The following STMND1 variants were observed in gnomAD, a reference collection of about 807,000 sequenced individuals.
The protein encoded by STMND1 is stathmin domain containing 1.
In STMND1, 17 loss-of-function variants were observed where a neutral mutation model predicts 23.0. That is an observed-to-expected ratio of 0.74 (90% confidence interval 0.51 to 1.11). The LOEUF (loss-of-function observed/expected upper bound fraction) is 1.11, where lower values mean the gene tolerates loss of function less well. Ranked by LOEUF, STMND1 falls within the 50% of genes least tolerant of loss-of-function variation. The probability of loss-of-function intolerance (pLI) is 0.00; values close to 1 mark genes in which losing one functional copy is unlikely to be tolerated. For synonymous variants in STMND1, 114 were observed against 119.9 expected, an observed-to-expected ratio of 0.95 and a Z score of 0.32; for missense variants, 305 against 329.1, an observed-to-expected ratio of 0.93 and a Z score of 0.57.
intron 4 of STMND1, 56 bp downstream of exon 4, chr6:17,129,299 C>CTTTCCTA: frequency 6.6e-7 from 1 of 1,512,570 alleles, no homozygotes; most frequent in Non-Finnish European, 8.8e-7. Flanking sequence ...TTAAAATGAT[C>CTTTCCTA]TCACCCCAGA....
At chr6:17,114,828 G>C (rs1049013341) in intron 1 of STMND1, 134 bp from the exon 2 acceptor site, 6 of 961,220 alleles carry the variant, frequency 6.2e-6, no homozygotes, top group Middle Eastern at 3.4e-4. Context: ...TGGGGACCCC[G>C]ATCTATGGCT....
intron 2 of STMND1, among the ~76,000 whole-genome samples, chr6:17,117,455 A>G (rs1189826367): frequency 6.6e-6 from 1 of 152,108 alleles, no homozygotes; most frequent in African/African-American, 2.4e-5. Context: ...CTCTTTATAA[A>G]TGAATTTCTG....
chr6:17,113,034 ATCT>A (rs907384757), intron 1 of STMND1, among the ~76,000 whole-genome samples: 5 of 152,212 alleles, frequency 3.3e-5, no homozygotes, highest in African/African-American at 1.2e-4. Context: ...AATATTGAAC[ATCT>A]TCTTGTGTGC....
rs1328692256 is a variant in STMND1 at position 17,129,181 on chromosome 6, G to A, written c.481G>A (p.Val161Met). ...GAAAAAACTCAAGATCAAAAAGCAA[G>A]TGAAGGATTTCACAATGAAGGACAT... is the stretch of plus-strand genomic sequence containing the variant. The part of the protein sequence containing the change: ...RLKKLKIKKQ[V>M]KDFTMKDIEE... The change falls in exon 4 of 5, where the codon GTG (valine) becomes ATG (methionine). Residue 161 changes from valine (V) to methionine (M), a missense_variant. By Grantham distance (21) the Val-to-Met change is conservative (BLOSUM62 1). Coordinates refer to ENST00000536551, the MANE Select transcript of STMND1 (RefSeq NM_001190766.2). 22 of 1,535,820 alleles carry A rather than the reference G, an allele frequency of 1.4e-5. No individual in the cohort carries two copies. In the South Asian group the frequency reaches 2.0e-4, roughly 14 times the overall value.
intron 4 of STMND1, 60 bp downstream of exon 4, chr6:17,129,303 C>CAGTTTTAAGACAGAGCTT: frequency 6.7e-7 from 1 of 1,485,812 alleles, no homozygotes; most frequent in Non-Finnish European, 8.9e-7. Context: ...AATGATCTCA[C>CAGTTTTAAGACAGAGCTT]CCCAGAGCTT....
chr6:17,104,780 G>C (rs1402830750), intron 1 of STMND1, among the ~76,000 whole-genome samples: 1 of 152,306 alleles, frequency 6.6e-6, no homozygotes, highest in Middle Eastern at 3.4e-3. Context: ...CCATGGTCAA[G>C]AGTATGACAA....
At chr6:17,113,441 G>C (rs924239644) in intron 1 of STMND1, among the ~76,000 whole-genome samples, 10 of 152,122 alleles carry the variant, frequency 6.6e-5, no homozygotes, top group African/African-American at 2.4e-4. Context: ...AGATTATCAA[G>C]GGTAATCTCC....
chr6:17,124,481 G>A (rs1309533752), intron 3 of STMND1, among the ~76,000 whole-genome samples: 1 of 149,430 alleles, frequency 6.7e-6, no homozygotes, highest in Non-Finnish European at 1.5e-5. Flanking sequence ...TCACCTTCAT[G>A]AAGGTCCCTC....
intron 3 of STMND1, among the ~76,000 whole-genome samples, chr6:17,127,565 CAA>C (rs1412323735): frequency 6.6e-6 from 1 of 151,916 alleles, no homozygotes; most frequent in Non-Finnish European, 1.5e-5. Flanking sequence ...AAAACAAAAA[CAA>C]AAAAACCCGT....
At chr6:17,118,461 C>T (rs1438524449) in intron 2 of STMND1, among the ~76,000 whole-genome samples, 1 of 151,942 alleles carries the variant, frequency 6.6e-6, no homozygotes, top group Non-Finnish European at 1.5e-5. Flanking sequence ...CAAAAAGAAG[C>T]ACAACATGGT....
In STMND1 at chr6:17,130,886, T is replaced by C. The variant is rs1384047430; in HGVS notation, c.*5T>C. The C allele has an allele frequency of 2.0e-6, 3 of 1,497,654 alleles. No homozygotes were observed. The South Asian group carries it at 3.8e-5, about 19-fold the overall frequency. The allele number at this position is 1,497,654 out of a possible 1,614,324, so 92.8% of individuals were successfully genotyped here. A position where few individuals can be genotyped will look rare whatever the true frequency, so the allele number is the denominator to read the frequency against. On this transcript the variant is annotated 3_prime_UTR_variant, in exon 5 of 5. Transcript: ENST00000536551. ...GCAGATGACATAGTCTACTAAGCCA[T>C]TTTTTGTGAATTTCATAAGAAAGCA...
chr6:17,122,257 G>A (rs1761244594), intron 3 of STMND1, among the ~76,000 whole-genome samples: 2 of 151,648 alleles, frequency 1.3e-5, no homozygotes, highest in Non-Finnish European at 2.9e-5. Context: ...TGTTTGTTTG[G>A]GTTTTTTTTT....
At chr6:17,107,844 A>G (rs1761047185) in intron 1 of STMND1, among the ~76,000 whole-genome samples, 1 of 152,246 alleles carries the variant, frequency 6.6e-6, no homozygotes, top group South Asian at 2.1e-4. Context: ...GTGAAAATAT[A>G]AATTCTTCAT....
At chr6:17,106,322 C>T (rs1471807047) in intron 1 of STMND1, among the ~76,000 whole-genome samples, 2 of 152,180 alleles carry the variant, frequency 1.3e-5, no homozygotes, top group African/African-American at 4.8e-5. Context: ...TGCCTTTCAT[C>T]CTGTGCGGTT....
intron 4 of STMND1, 115 bp downstream of exon 4, chr6:17,129,358 T>G (rs1761354529): frequency 8.1e-6 from 8 of 991,720 alleles, no homozygotes; most frequent in Non-Finnish European, 1.1e-5. Context: ...CTATAATCAG[T>G]ATTTTTTTTA....
chr6:17,130,728 A>G lies in STMND1; in HGVS notation c.678A>G (p.Gly226=). The stretch of plus-strand genomic sequence containing the variant: ...GACTTCAAAGGGTGAGGTCTGCTGG[A>G]TTTGAACCATCTGACCTGCAGGGAG... ...AKGLQRVRSA[G]FEPSDLQGGK... is the part of the protein sequence containing the mutation. The change falls in exon 5 of 5, where the codon GGA becomes GGG. Residue 226 remains glycine (G), a synonymous_variant. Coordinates refer to ENST00000536551, the MANE Select transcript of STMND1 (RefSeq NM_001190766.2). The G allele has an allele frequency of 6.5e-6, 10 of 1,536,082 alleles. No individual in the cohort carries two copies. The highest frequency in any genetic ancestry group is 8.7e-6 in the Non-Finnish European group (10 of 1,146,888).
chr6:17,129,082 T>C, intron 3 of STMND1, 30 bp from the exon 4 acceptor site: 1 of 1,531,934 alleles, frequency 6.5e-7, no homozygotes, highest in East Asian at 2.4e-5. Flanking sequence ...ATATGATTGT[T>C]TCTTCATGTA....
chr6:17,120,797 A>T, intron 3 of STMND1, 39 bp downstream of exon 3: 5 of 1,441,910 alleles, frequency 3.5e-6, no homozygotes, highest in Non-Finnish European at 4.6e-6. Flanking sequence ...TATAGTTAAA[A>T]TTAGCAATAG....
intron 2 of STMND1, among the ~76,000 whole-genome samples, chr6:17,117,632 G>T (rs75291814): frequency 0.015 from 1,727 of 116,412 alleles, 38 homozygotes; most frequent in African/African-American, 0.052. Context: ...ATTTGGGTTT[G>T]TTTGAGCTTT....
Sources: gnomAD v4.1 joint callset for allele counts (sites outside exome capture counted in the v4.1 genomes callset) on GRCh38, gnomAD v4.1.1 for gene constraint, MANE v1.5 for transcripts, NCBI Gene and HGNC (gene_info 2026-07-23, HGNC 2026-07-21) for gene names.